The following ZNF670 variants were observed in gnomAD, a reference collection of about 807,000 sequenced individuals.
ZNF670 encodes the protein zinc finger protein 670.
Under a neutral mutation model 10.9 loss-of-function variants are expected in ZNF670, and 7 were observed. That is an observed-to-expected ratio of 0.64 (90% confidence interval 0.36 to 1.20). The LOEUF is 1.20. Ranked by LOEUF, ZNF670 falls within the 50% of genes most tolerant of loss-of-function variation. ZNF670 has a pLI of 0.02. For synonymous variants in ZNF670, 136 were observed against 152.7 expected (o/e 0.89, Z 0.81); for missense variants, 446 against 458.6 (o/e 0.97, Z 0.25).
intron 1 of ZNF670, among the ~76,000 whole-genome samples, chr1:247,051,300 AG>A (rs1312693590): frequency 6.6e-6 from 1 of 151,620 alleles, no homozygotes; most frequent in Non-Finnish European, 1.5e-5. Context: ...CAGTTGTTGT[AG>A]TGCTGGTTTG....
rs1433255750 is a variant in ZNF670 at position 247,034,987 on chromosome 1, A to G, written c.*2462T>C. Among the ~76,000 whole-genome samples, 1 of 152,224 alleles carries G rather than the reference A, an allele frequency of 6.6e-6. No individual in the cohort carries two copies. Among genetic ancestry groups the G allele is most frequent in the Non-Finnish European group, 1.5e-5 (1 of 68,034 alleles). ...AACGGCTGGTCAACCAGTCATGTCTAGGAGTTGAGAGTTCTACTGTGGGAA... is the reference window on the plus strand; with the variant it reads ...AACGGCTGGTCAACCAGTCATGTCTGGGAGTTGAGAGTTCTACTGTGGGAA... On this transcript the variant is annotated 3_prime_UTR_variant, in exon 4 of 4. Coordinates refer to ENST00000366503, the MANE Select transcript of ZNF670 (RefSeq NM_033213.5).
chr1:247,052,806 G>A lies in ZNF670; in HGVS notation c.4-13269C>T, dbSNP rs188559517. Among the ~76,000 whole-genome samples the A allele has an allele frequency of 2.4e-3, 364 of 152,268 alleles. 5 individuals are homozygous for A. Among genetic ancestry groups the A allele is most frequent in the African/African-American group, 8.3e-3 (347 of 41,564 alleles). On this transcript the variant is annotated intron_variant, in intron 1 of 3. Transcript: ENST00000366503. ...ATATCAGCTTGCCCTAAAGTCACCTGAATAAGTATTCAGGTTTCTCAGGTA... is the reference window on the plus strand; with the variant it reads ...ATATCAGCTTGCCCTAAAGTCACCTAAATAAGTATTCAGGTTTCTCAGGTA...
Position 247,038,229 on chromosome 1 carries a change from T to G in ZNF670, c.390A>C (p.Leu130=). ...TCTCTGGACATTCCTCACACTCAAATAGTTTGTTTCCAATGTGAGACAGGA... is the reference window on the plus strand; with the variant it reads ...TCTCTGGACATTCCTCACACTCAAAGAGTTTGTTTCCAATGTGAGACAGGA... ...RHILSHIGNK[L]FECEECPEKL... The change falls in exon 4 of 4, where the codon CTA becomes CTC. Residue 130 remains leucine (L), a synonymous_variant. Coordinates refer to ENST00000366503, the MANE Select transcript of ZNF670 (RefSeq NM_033213.5). The G allele has an allele frequency of 6.2e-7, 1 of 1,614,154 alleles. No individual in the cohort carries two copies. Among genetic ancestry groups the G allele is most frequent in the Non-Finnish European group, 8.5e-7 (1 of 1,180,020 alleles).
In ZNF670 at chr1:247,037,392, AC is replaced by A; in HGVS notation, c.*56del. On this transcript the variant is annotated 3_prime_UTR_variant, in exon 4 of 4. Coordinates refer to ENST00000366503, the MANE Select transcript of ZNF670 (RefSeq NM_033213.5). Reference sequence around the variant, plus strand: ...CACGTGTTCTAATGAAACTAGAATAACTGAAAGCTTTAACACACTTCTTACA... The same window carrying A: ...CACGTGTTCTAATGAAACTAGAATAATGAAAGCTTTAACACACTTCTTACA... 2 of 1,511,492 alleles carry A rather than the reference AC, an allele frequency of 1.3e-6. No homozygotes were observed. Among genetic ancestry groups the A allele is most frequent in the Non-Finnish European group, 1.8e-6 (2 of 1,133,702 alleles). The allele number at this position is 1,511,492 out of a possible 1,614,324, so 93.6% of individuals were successfully genotyped here. A position where few individuals can be genotyped will look rare whatever the true frequency, so the allele number is the denominator to read the frequency against.
At chr1:247,058,844 T>C (rs1434691539) in intron 1 of ZNF670, among the ~76,000 whole-genome samples, 4 of 151,546 alleles carry the variant, frequency 2.6e-5, no homozygotes, top group South Asian at 2.1e-4. Context: ...CAGACATGAA[T>C]AGGTCTATAC....
At chr1:247,043,325 G>A (rs749714489) in intron 1 of ZNF670, 11 of 588,108 alleles carry the variant, frequency 1.9e-5, no homozygotes, top group African/African-American at 5.5e-5. Context: ...AACTGTCTTC[G>A]GTGGTATATT....
intron 1 of ZNF670, among the ~76,000 whole-genome samples, chr1:247,066,045 A>C (rs1183759441): frequency 1.3e-5 from 2 of 152,238 alleles, no homozygotes; most frequent in Non-Finnish European, 2.9e-5. Context: ...AGCCTTAGAC[A>C]GTACTCTGTG....
rs541505618 is a variant in ZNF670 at position 247,065,024 on chromosome 1, T to C, written c.3+13570A>G. On this transcript the variant is annotated intron_variant, in intron 1 of 3. Transcript: ENST00000366503. ...GGGTTTTACCATGTTGCCCAGCTCG[T>C]CTTGAACTCCTGAGCTCAAGTGATC... Among the ~76,000 whole-genome samples, 8 of 152,282 alleles carry C rather than the reference T, an allele frequency of 5.3e-5. No homozygotes were observed. In the South Asian group the frequency reaches 1.7e-3, roughly 32 times the overall value.
intron 2 of ZNF670, 24 bp downstream of exon 2, chr1:247,039,387 G>A (rs752329073): frequency 8.8e-6 from 14 of 1,599,454 alleles, no homozygotes; most frequent in African/African-American, 1.4e-5. Context: ...AATCAACTAC[G>A]TGAATAAGTG....
chr1:247,067,655 A>ATGTG, intron 1 of ZNF670, among the ~76,000 whole-genome samples: 2 of 149,944 alleles, frequency 1.3e-5, no homozygotes, highest in Non-Finnish European at 3.0e-5. Flanking sequence ...ATCCCGGCTA[A>ATGTG]AACGGTGAAA....
rs925641597 is a variant in ZNF670 at position 247,078,716 on chromosome 1, G to A, written c.-120C>T. 5.3e-6 allele frequency: 6 copies of A among 1,124,604 alleles called. No individual in the cohort carries two copies. Among genetic ancestry groups the A allele is most frequent in the African/African-American group, 1.6e-5 (1 of 63,720 alleles). 69.7% of individuals were successfully genotyped at this position (1,124,604 alleles called of 1,614,324 possible). ...CCCAGGGATAAGGGGAAGGAGCAGCGGAGACGCACCGAGCTCGCCACATTC... is the reference window on the plus strand; with the variant it reads ...CCCAGGGATAAGGGGAAGGAGCAGCAGAGACGCACCGAGCTCGCCACATTC... On this transcript the variant is annotated 5_prime_UTR_variant, in exon 1 of 4. Coordinates refer to ENST00000366503, the MANE Select transcript of ZNF670 (RefSeq NM_033213.5).
Position 247,038,297 on chromosome 1 carries a change from A to G in ZNF670, c.322T>C (p.Cys108Arg). 4 of 1,614,202 alleles carry G rather than the reference A, an allele frequency of 2.5e-6. No individual in the cohort carries two copies. Among genetic ancestry groups the G allele is most frequent in the Non-Finnish European group, 3.4e-6 (4 of 1,180,022 alleles). Residue 108 changes from cysteine to arginine, a missense_variant, in exon 4 of 4, where the codon TGT becomes CGT. Coordinates refer to ENST00000366503, the MANE Select transcript of ZNF670 (RefSeq NM_033213.5). The stretch of plus-strand genomic sequence containing the variant: ...GAATGACATATGAAGACTTTTCCAC[A>G]CACACTGCATTCACATGGCTTTACT... ...TGVKPCECSVCGKVFICHSAL... is the reference protein window; with the variant it reads ...TGVKPCECSVRGKVFICHSAL...
chr1:247,072,296 C>T (rs973340113), intron 1 of ZNF670, among the ~76,000 whole-genome samples: 2 of 151,264 alleles, frequency 1.3e-5, no homozygotes, highest in African/African-American at 4.9e-5. Flanking sequence ...GACCACAGCT[C>T]CGCACTGCCA....
chr1:247,057,710 G>A (rs1019868897), intron 1 of ZNF670, among the ~76,000 whole-genome samples: 1 of 152,170 alleles, frequency 6.6e-6, no homozygotes, highest in Non-Finnish European at 1.5e-5. Flanking sequence ...GGAAGTCATT[G>A]TGTTAAATGA....
chr1:247,078,744 G>A lies in ZNF670; in HGVS notation c.-148C>T, dbSNP rs150429543. 4.2e-5 allele frequency: 35 copies of A among 838,236 alleles called. No homozygotes were observed. The African/African-American group carries it at 4.5e-4, about 11-fold the overall frequency. The allele number at this position is 838,236 out of a possible 1,614,324, so 51.9% of individuals were successfully genotyped here. A position where few individuals can be genotyped will look rare whatever the true frequency, so the allele number is the denominator to read the frequency against. On this transcript the variant is annotated 5_prime_UTR_variant, in exon 1 of 4. Coordinates refer to ENST00000366503, the MANE Select transcript of ZNF670 (RefSeq NM_033213.5). ...GACGCACCGAGCTCGCCACATTCGC[G>A]CTGCCCAACACAAAAGCCGCGCCAG...
intron 1 of ZNF670, among the ~76,000 whole-genome samples, chr1:247,054,697 G>A (rs950679860): frequency 6.6e-5 from 10 of 152,200 alleles, no homozygotes; most frequent in African/African-American, 2.2e-4. Context: ...ATTCTGAGAT[G>A]TGCTGGCTTC....
At chr1:247,077,946 T>G (rs1671290434) in intron 1 of ZNF670, among the ~76,000 whole-genome samples, 1 of 152,208 alleles carries the variant, frequency 6.6e-6, no homozygotes, top group East Asian at 1.9e-4. Flanking sequence ...CATGCTTGTC[T>G]TGTAAATTAA....
intron 1 of ZNF670, among the ~76,000 whole-genome samples, chr1:247,077,548 C>A (rs1671281893): frequency 6.6e-6 from 1 of 152,004 alleles, no homozygotes; most frequent in African/African-American, 2.4e-5. Flanking sequence ...TTCTGCTTTC[C>A]ACTCATGTGT....
chr1:247,040,078 A>G (rs1167520150), intron 1 of ZNF670, among the ~76,000 whole-genome samples: 1 of 152,218 alleles, frequency 6.6e-6, no homozygotes. Flanking sequence ...CTGAAAGCCT[A>G]CTACTTTACT....
Sources: gnomAD v4.1 joint callset for allele counts (sites outside exome capture counted in the v4.1 genomes callset) on GRCh38, gnomAD v4.1.1 for gene constraint, MANE v1.5 for transcripts, NCBI Gene and HGNC (gene_info 2026-07-23, HGNC 2026-07-21) for gene names.